PARP1: variants seen among roughly 807,000 people sequenced by gnomAD.
PARP1 encodes the protein poly [ADP-ribose] polymerase 1.
PARP1 carries 44 observed loss-of-function variants against 118.7 expected under a neutral mutation model. That is an observed-to-expected ratio of 0.37 (90% CI 0.29 to 0.48). PARP1 has a LOEUF of 0.48. Among genes scored for constraint, PARP1 ranks in the 20% least tolerant of loss-of-function variants. PARP1 has a pLI of 0.99. For synonymous variants in PARP1, 492 were observed against 483.2 expected (o/e 1.02, Z -0.24); for missense variants, 1,100 against 1,272.4 (o/e 0.86, Z 2.06).
chr1:226,386,519 T>G (rs940096022), intron 5 of PARP1, 77 bp from the exon 6 acceptor site: 1 of 941,692 alleles, frequency 1.1e-6, no homozygotes, highest in Non-Finnish European at 1.8e-6. Context: ...GCCCTGGTCA[T>G]GCTGAGCCTC....
At chr1:226,389,532 T>C (rs1405796189) in intron 4 of PARP1, among the ~76,000 whole-genome samples, 3 of 152,214 alleles carry the variant, frequency 2.0e-5, no homozygotes, top group Non-Finnish European at 4.4e-5. Flanking sequence ...CTTCATATAG[T>C]GTCTGGCATA....
intron 5 of PARP1, among the ~76,000 whole-genome samples, chr1:226,387,496 T>C (rs1664737617): frequency 6.6e-6 from 1 of 152,160 alleles, no homozygotes; most frequent in Admixed American, 6.5e-5. Context: ...GGATTTTAAC[T>C]CCACTGGCAA....
At chr1:226,367,230 G>T in intron 17 of PARP1, 2 of 526,984 alleles carry the variant, frequency 3.8e-6, no homozygotes, top group Non-Finnish European at 3.4e-6. Context: ...AAATTTGTAC[G>T]CCAAGCTGAG....
At position 226,366,002 on chromosome 1, in the gene PARP1, C is replaced by G. The variant is rs769447847; in HGVS notation, c.2457G>C (p.Lys819Asn). The G allele has an allele frequency of 1.2e-6, 2 of 1,613,512 alleles. No individual in the cohort carries two copies. The highest frequency in any genetic ancestry group is 1.7e-6 in the Non-Finnish European group (2 of 1,179,560). The change falls in exon 18 of 23, where the codon AAG becomes AAC. Residue 819 changes from lysine to asparagine, a missense_variant. By Grantham distance (94) the Lys-to-Asn change is moderately conservative. Transcript: ENST00000366794. Reference protein sequence around the residue: ...EEAEIIRKYVKNTHATTHNAY... With the variant: ...EEAEIIRKYVNNTHATTHNAY... ...CATTGTGTGTGGTTGCATGAGTGTT[C>G]TTAACATACTTCCTGATGATCTCGG...
At position 226,380,067 on chromosome 1, in the gene PARP1, G is replaced by A; in HGVS notation, c.1398C>T (p.Thr466=). 6.2e-7 allele frequency: 1 copy of A among 1,614,222 alleles called. No homozygotes were observed. The highest frequency in any genetic ancestry group is 1.1e-5 in the South Asian group (1 of 91,086). Residue 466 remains threonine, a synonymous_variant, in exon 10 of 23, where the codon ACC becomes ACT. Transcript: ENST00000366794. Reference sequence around the variant, plus strand: ...CTAAGAACAACTCCTGAAGGCTCTTGGTGGAGGCGGAGACGTCCTGGAGGA... The same window carrying A: ...CTAAGAACAACTCCTGAAGGCTCTTAGTGGAGGCGGAGACGTCCTGGAGGA... ...EDFLQDVSAS[T]KSLQELFLAH...
At chr1:226,367,298 C>T (rs1318939763) in intron 17 of PARP1, 182 bp downstream of exon 17, 8 of 724,968 alleles carry the variant, frequency 1.1e-5, no homozygotes, top group Non-Finnish European at 1.9e-5. Flanking sequence ...GTGAAACGCC[C>T]AAAGGTTCTC....
chr1:226,376,104 A>G (rs1358416848), intron 13 of PARP1, among the ~76,000 whole-genome samples: 2 of 152,180 alleles, frequency 1.3e-5, no homozygotes, highest in Non-Finnish European at 2.9e-5. Context: ...TGTAAATCCT[A>G]TTTTTAATAT....
chr1:226,392,896 C>G (rs1220922530), intron 2 of PARP1: 3 of 1,557,148 alleles, frequency 1.9e-6, no homozygotes, highest in East Asian at 4.7e-5. Context: ...AAAATAAATT[C>G]CCAGGTTGAA....
chr1:226,380,648 G>A (rs1364736171), intron 9 of PARP1, among the ~76,000 whole-genome samples: 3 of 152,274 alleles, frequency 2.0e-5, no homozygotes, highest in East Asian at 1.9e-4. Flanking sequence ...TCCCTTATCC[G>A]AGATGCTTGA....
At chr1:226,384,511 G>C (rs1039703982) in intron 7 of PARP1, among the ~76,000 whole-genome samples, 1 of 152,176 alleles carries the variant, frequency 6.6e-6, no homozygotes, top group African/African-American at 2.4e-5. Context: ...TAAAATACAA[G>C]GAATGGCACA....
chr1:226,379,919 C>T lies in PARP1; in HGVS notation c.1543+3G>A, dbSNP rs781286539. On this transcript the variant is annotated splice_donor_region_variant and intron_variant, in intron 10 of 22. Coordinates refer to ENST00000366794, the MANE Select transcript of PARP1 (RefSeq NM_001618.4). ...CCTGGAGGGGGCAGCTTGGGGCCCT[C>T]ACCTTCCTCCTTGACCTGGCCCTTG... is the stretch of plus-strand genomic sequence containing the variant. The T allele has an allele frequency of 2.5e-6, 4 of 1,613,444 alleles. No homozygotes were observed. Among genetic ancestry groups the T allele is most frequent in the Non-Finnish European group, 3.4e-6 (4 of 1,179,996 alleles).
At chr1:226,362,961 C>T (rs2102725497) in intron 21 of PARP1, 138 bp downstream of exon 21, 1 of 712,970 alleles carries the variant, frequency 1.4e-6, no homozygotes. Flanking sequence ...AACGCACACA[C>T]ACCCCTCGAA....
intron 2 of PARP1, among the ~76,000 whole-genome samples, chr1:226,396,690 AT>A (rs1300207488): frequency 6.6e-6 from 1 of 152,174 alleles, no homozygotes; most frequent in East Asian, 1.9e-4. Context: ...AAAAAGACAC[AT>A]TTTCAGTAAA....
intron 13 of PARP1, among the ~76,000 whole-genome samples, chr1:226,375,534 T>C (rs1457268445): frequency 6.6e-6 from 1 of 152,150 alleles, no homozygotes; most frequent in African/African-American, 2.4e-5. Flanking sequence ...CAGTGGCCAA[T>C]ACAGTAGCCA....
At chr1:226,384,046 C>T (rs937023781) in intron 7 of PARP1, among the ~76,000 whole-genome samples, 11 of 152,200 alleles carry the variant, frequency 7.2e-5, no homozygotes, top group African/African-American at 2.2e-4. Context: ...AACAAAGGAG[C>T]TAAGCTATGC....
chr1:226,406,694 A>C (rs1665154769), intron 1 of PARP1, among the ~76,000 whole-genome samples: 1 of 152,198 alleles, frequency 6.6e-6, no homozygotes, highest in African/African-American at 2.4e-5. Context: ...TTAGAACTTA[A>C]AAAATGCCTA....
At chr1:226,384,131 G>A (rs1038501400) in intron 7 of PARP1, among the ~76,000 whole-genome samples, 4 of 152,242 alleles carry the variant, frequency 2.6e-5, no homozygotes, top group African/African-American at 9.6e-5. Flanking sequence ...TAAGCCCACT[G>A]GGAGCTGAAA....
chr1:226,364,888 G>C, intron 19 of PARP1, 114 bp downstream of exon 19: 1 of 1,199,390 alleles, frequency 8.3e-7, no homozygotes, highest in Non-Finnish European at 1.2e-6. Context: ...AAGGCCCAAA[G>C]AAAGGATGTC....
chr1:226,363,761 G>T (rs1005565801), intron 20 of PARP1, among the ~76,000 whole-genome samples, 182 bp downstream of exon 20: 1 of 152,170 alleles, frequency 6.6e-6, no homozygotes, highest in Non-Finnish European at 1.5e-5. Context: ...AAGTATCCTT[G>T]TATCTCCCTT....
Sources: gnomAD v4.1 joint callset for allele counts (sites outside exome capture counted in the v4.1 genomes callset) on GRCh38, gnomAD v4.1.1 for gene constraint, MANE v1.5 for transcripts, NCBI Gene and HGNC (gene_info 2026-07-23, HGNC 2026-07-21) for gene names.